Variants in QKI observed in about 807,000 individuals in gnomAD.
The protein encoded by QKI is KH domain-containing RNA-binding protein QKI.
QKI carries 10 observed loss-of-function variants against 39.0 expected under a neutral mutation model. The ratio of observed to expected loss-of-function variants is 0.26; its 90% CI spans 0.16 to 0.43. QKI has a LOEUF of 0.43. Ranked by LOEUF, QKI falls within the 20% of genes least tolerant of loss-of-function variation. The pLI is 1.00. For synonymous variants in QKI, 204 were observed against 155.4 expected (o/e 1.31, Z -2.33); for missense variants, 218 against 428.0 (o/e 0.51, Z 4.33).
At chr6:163,566,637 C>A in intron 6 of QKI, 84 bp from the exon 7 acceptor site, 3 of 1,561,066 alleles carry the variant, frequency 1.9e-6, no homozygotes, top group Non-Finnish European at 8.7e-7. Flanking sequence ...CATTTGAAAT[C>A]CATTTTGATA....
intron 1 of QKI, among the ~76,000 whole-genome samples, chr6:163,441,516 C>T (rs1789760540): frequency 6.6e-6 from 1 of 152,076 alleles, no homozygotes; most frequent in Non-Finnish European, 1.5e-5. Flanking sequence ...AGCTATCTGC[C>T]CTCTCAGCTA....
chr6:163,443,929 A>G (rs749101456), intron 1 of QKI, among the ~76,000 whole-genome samples: 2 of 152,194 alleles, frequency 1.3e-5, no homozygotes, highest in Non-Finnish European at 2.9e-5. Flanking sequence ...GATTTACCAA[A>G]TTCCTTTTAA....
intron 4 of QKI, among the ~76,000 whole-genome samples, chr6:163,555,319 C>T (rs1236416572): frequency 6.6e-6 from 1 of 151,834 alleles, no homozygotes; most frequent in African/African-American, 2.4e-5. Flanking sequence ...ACTGAGATAG[C>T]ACATGGCTAT....
chr6:163,447,676 G>C (rs1790256544), intron 1 of QKI, among the ~76,000 whole-genome samples: 1 of 151,974 alleles, frequency 6.6e-6, no homozygotes, highest in African/African-American at 2.4e-5. Flanking sequence ...CAGTAAAAAG[G>C]GTATTGTAAT....
chr6:163,538,262 C>G (rs1205648646), intron 4 of QKI, among the ~76,000 whole-genome samples: 1 of 152,124 alleles, frequency 6.6e-6, no homozygotes, highest in Admixed American at 6.6e-5. Flanking sequence ...GGTTGGATTA[C>G]TGACAATGAG....
intron 4 of QKI, among the ~76,000 whole-genome samples, chr6:163,556,267 C>CT (rs1471201527): frequency 2.0e-5 from 3 of 152,122 alleles, no homozygotes; most frequent in Non-Finnish European, 4.4e-5. Flanking sequence ...AGTCCCAGCA[C>CT]TTTGGGAGGC....
intron 3 of QKI, among the ~76,000 whole-genome samples, chr6:163,508,173 T>G (rs962250581): frequency 1.3e-5 from 2 of 152,098 alleles, no homozygotes; most frequent in African/African-American, 4.8e-5. Flanking sequence ...TATGTATAAT[T>G]GGAGTCTTAG....
chr6:163,510,735 A>G (rs1779396108), intron 3 of QKI, among the ~76,000 whole-genome samples: 1 of 152,198 alleles, frequency 6.6e-6, no homozygotes, highest in Admixed American at 6.5e-5. Context: ...TCTTCATAGT[A>G]ACAAAAGTTC....
intron 4 of QKI, among the ~76,000 whole-genome samples, chr6:163,560,380 G>T (rs907644901): frequency 1.3e-5 from 2 of 152,104 alleles, no homozygotes; most frequent in Non-Finnish European, 2.9e-5. Context: ...GCTGTCTGTC[G>T]TTTCACTTAA....
At chr6:163,553,208 A>C (rs901436556) in intron 4 of QKI, among the ~76,000 whole-genome samples, 2 of 151,746 alleles carry the variant, frequency 1.3e-5, no homozygotes, top group African/African-American at 2.4e-5. Context: ...GGTTCAAGCG[A>C]TTCTCCTGCC....
In QKI at chr6:163,578,381, T is replaced by G. The variant is rs1041313359; in HGVS notation, c.*7671T>G. 1.3e-5 allele frequency: 2 copies of G among 152,224 alleles called. No individual in the cohort carries two copies. Among genetic ancestry groups the G allele is most frequent in the African/African-American group, 4.8e-5 (2 of 41,456 alleles). The allele number at this position is 152,224 out of a possible 1,614,324, so 9.4% of individuals were successfully genotyped here. On this transcript the variant is annotated 3_prime_UTR_variant, in exon 8 of 8. Coordinates refer to ENST00000361752, the MANE Select transcript of QKI (RefSeq NM_006775.3). ...CTGTCAAGCTTGGGAATGAGGAAAGTGCCTTGGCTGTGCTTGAAACCTGAA... is the reference window on the plus strand; with the variant it reads ...CTGTCAAGCTTGGGAATGAGGAAAGGGCCTTGGCTGTGCTTGAAACCTGAA...
chr6:163,515,867 C>G (rs1375059910), intron 3 of QKI, among the ~76,000 whole-genome samples: 2 of 152,094 alleles, frequency 1.3e-5, no homozygotes, highest in Non-Finnish European at 2.9e-5. Flanking sequence ...TTGACATTTG[C>G]TATGTAATCA....
chr6:163,571,726 AAAG>A lies in QKI; in HGVS notation c.*1019_*1021del, dbSNP rs1039502205. The A allele has an allele frequency of 1.3e-5, 2 of 151,662 alleles. No homozygotes were observed. The highest frequency in any genetic ancestry group is 2.9e-5 in the Non-Finnish European group (2 of 67,896). 9.4% of individuals were successfully genotyped at this position (151,662 alleles called of 1,614,324 possible). On this transcript the variant is annotated 3_prime_UTR_variant, in exon 8 of 8. Coordinates refer to ENST00000361752, the MANE Select transcript of QKI (RefSeq NM_006775.3). ...TTATACTTTCAAGTGTTATAAAAAA[AAAG>A]AAAAAGAACAAAGAAACCCTTTATT...
intron 4 of QKI, among the ~76,000 whole-genome samples, chr6:163,553,295 G>A (rs899896340): frequency 6.6e-6 from 1 of 151,660 alleles, no homozygotes; most frequent in Admixed American, 6.6e-5. Flanking sequence ...TAGACATAGG[G>A]TTTCACCATG....
Position 163,415,108 on chromosome 6 carries a change from C to A in QKI, c.-86C>A, listed in dbSNP as rs1364332375. The A allele has an allele frequency of 7.9e-5, 83 of 1,057,036 alleles. No homozygotes were observed. The highest frequency in any genetic ancestry group is 9.5e-5 in the Non-Finnish European group (83 of 873,856). 65.5% of individuals were successfully genotyped at this position (1,057,036 alleles called of 1,614,324 possible). A position where few individuals can be genotyped will look rare whatever the true frequency, so the allele number is the denominator to read the frequency against. ...GCGGGACGCCGGGTCCCGAGCGGCC[C>A]GCGGCCGGGGCTCGCCCCCGCCCCT... On this transcript the variant is annotated 5_prime_UTR_variant, in exon 1 of 8. Transcript: ENST00000361752.
At chr6:163,541,369 A>G (rs751332621) in intron 4 of QKI, among the ~76,000 whole-genome samples, 6 of 152,080 alleles carry the variant, frequency 3.9e-5, no homozygotes, top group Non-Finnish European at 8.8e-5. Context: ...AGCCCAGCAT[A>G]TGGTCTGTTT....
At chr6:163,529,358 A>G (rs183151474) in intron 3 of QKI, among the ~76,000 whole-genome samples, 48 of 152,316 alleles carry the variant, frequency 3.2e-4, no homozygotes, top group Admixed American at 1.7e-3. Flanking sequence ...TAAAAGTTCA[A>G]TTATTCAATT....
chr6:163,434,010 TTG>T (rs754311199), intron 1 of QKI, among the ~76,000 whole-genome samples: 4 of 152,210 alleles, frequency 2.6e-5, no homozygotes, highest in Non-Finnish European at 5.9e-5. Context: ...ATTTAGTGGC[TTG>T]TGTGCTGTGC....
intron 3 of QKI, among the ~76,000 whole-genome samples, chr6:163,492,242 C>T (rs16895059): frequency 0.039 from 6,000 of 152,190 alleles, 405 homozygotes; most frequent in African/African-American, 0.14. Context: ...CCTAGGGAGC[C>T]ATCCTATTCT....
Sources: gnomAD v4.1 joint callset for allele counts (sites outside exome capture counted in the v4.1 genomes callset) on GRCh38, gnomAD v4.1.1 for gene constraint, MANE v1.5 for transcripts, NCBI Gene and HGNC (gene_info 2026-07-23, HGNC 2026-07-21) for gene names.